Variants in RALA observed in about 807,000 individuals in gnomAD.
RALA encodes the protein ras-related protein Ral-A.
A neutral mutation model predicts 24.0 loss-of-function variants in RALA; 5 were observed. The ratio of observed to expected loss-of-function variants is 0.21; its 90% CI spans 0.11 to 0.44. The LOEUF is 0.44. Among genes scored for constraint, RALA ranks in the 20% least tolerant of loss-of-function variants. RALA has a pLI of 0.99. For synonymous variants in RALA, 77 were observed against 83.8 expected, an observed-to-expected ratio of 0.92 and a Z score of 0.44; for missense variants, 95 against 241.2, an observed-to-expected ratio of 0.39 and a Z score of 4.01.
At chr7:39,654,737 A>G (rs138531351) in intron 1 of RALA, among the ~76,000 whole-genome samples, 4 of 152,156 alleles carry the variant, frequency 2.6e-5, no homozygotes, top group African/African-American at 4.8e-5. Flanking sequence ...ATGTGAATCT[A>G]AATTTTTGTT....
In RALA at chr7:39,676,653, A is replaced by G. The variant is rs1356844165; in HGVS notation, c.-37-9978A>G. Among the ~76,000 whole-genome samples, 4 of 152,198 alleles carry G rather than the reference A, an allele frequency of 2.6e-5. No individual in the cohort carries two copies. The East Asian group carries it at 7.7e-4, about 29-fold the overall frequency. On this transcript the variant is annotated intron_variant, in intron 1 of 4. Coordinates refer to ENST00000005257, the MANE Select transcript of RALA (RefSeq NM_005402.4). The stretch of plus-strand genomic sequence containing the variant: ...TAATGAGCTTCTCTATCGAAAATCT[A>G]AAGAAGATAATAATGAATTCTGGAC...
intron 4 of RALA, among the ~76,000 whole-genome samples, chr7:39,701,208 A>G (rs908550130): frequency 1.3e-5 from 2 of 152,146 alleles, no homozygotes; most frequent in African/African-American, 2.4e-5. Context: ...TCTTTCTTCA[A>G]TATTTTACTC....
chr7:39,652,145 A>G (rs1478250135), intron 1 of RALA, among the ~76,000 whole-genome samples: 1 of 152,202 alleles, frequency 6.6e-6, no homozygotes, highest in African/African-American at 2.4e-5. Context: ...GTGTCCTCCT[A>G]TGGCAGCAGA....
intron 1 of RALA, among the ~76,000 whole-genome samples, chr7:39,646,303 C>T (rs1379590075): frequency 5.3e-5 from 8 of 151,344 alleles, no homozygotes; most frequent in Non-Finnish European, 1.2e-4. Flanking sequence ...TACAACCCCC[C>T]GCCAAAAATA....
intron 1 of RALA, among the ~76,000 whole-genome samples, chr7:39,662,290 C>T (rs1206293211): frequency 2.6e-5 from 4 of 152,158 alleles, no homozygotes; most frequent in East Asian, 3.9e-4. Context: ...CATTTTCCCC[C>T]GTTGTCTTGG....
chr7:39,702,709 G>C (rs1583762942), intron 4 of RALA, among the ~76,000 whole-genome samples: 1 of 152,296 alleles, frequency 6.6e-6, no homozygotes, highest in East Asian at 1.9e-4. Flanking sequence ...TGTCATTCAT[G>C]GCAATATGGA....
At chr7:39,668,448 T>C (rs1792321521) in intron 1 of RALA, among the ~76,000 whole-genome samples, 1 of 152,230 alleles carries the variant, frequency 6.6e-6, no homozygotes, top group African/African-American at 2.4e-5. Context: ...TTAATTGCTT[T>C]GTGTCTACAG....
intron 1 of RALA, among the ~76,000 whole-genome samples, chr7:39,661,859 C>A (rs1039594201): frequency 6.6e-6 from 1 of 152,236 alleles, no homozygotes; most frequent in Non-Finnish European, 1.5e-5. Flanking sequence ...CATTTCCCTT[C>A]TGCACTGCCT....
intron 1 of RALA, among the ~76,000 whole-genome samples, chr7:39,639,484 G>A (rs1352285810): frequency 2.0e-5 from 3 of 152,184 alleles, no homozygotes; most frequent in Non-Finnish European, 2.9e-5. Context: ...GAGCCCAAGA[G>A]TTTGAGGCTG....
chr7:39,658,984 A>T (rs1292746013), intron 1 of RALA, among the ~76,000 whole-genome samples: 1 of 152,132 alleles, frequency 6.6e-6, no homozygotes, highest in Admixed American at 6.6e-5. Flanking sequence ...TATTATTTAA[A>T]ATTTTAAGAT....
chr7:39,692,505 T>C (rs1231408809), intron 3 of RALA, among the ~76,000 whole-genome samples: 3 of 152,200 alleles, frequency 2.0e-5, no homozygotes, highest in Non-Finnish European at 4.4e-5. Flanking sequence ...CCTCTAAAAC[T>C]GTATTTAAAG....
At chr7:39,691,929 C>T (rs922372988) in intron 3 of RALA, among the ~76,000 whole-genome samples, 3 of 152,144 alleles carry the variant, frequency 2.0e-5, no homozygotes, top group African/African-American at 7.2e-5. Flanking sequence ...TCACCATAGT[C>T]ACCAAAGTCA....
intron 2 of RALA, among the ~76,000 whole-genome samples, 174 bp from the exon 3 acceptor site, chr7:39,690,208 A>G (rs183986493): frequency 6.6e-5 from 10 of 152,368 alleles, no homozygotes; most frequent in Admixed American, 1.3e-4. Context: ...GAGGAAACCA[A>G]GAAATTGTCT....
chr7:39,645,267 T>A (rs956476336), intron 1 of RALA, among the ~76,000 whole-genome samples: 1 of 152,238 alleles, frequency 6.6e-6, no homozygotes, highest in Non-Finnish European at 1.5e-5. Context: ...ACTTTTGTTA[T>A]ATTAGTCAAT....
chr7:39,643,242 A>G (rs1017480505), intron 1 of RALA, among the ~76,000 whole-genome samples: 4 of 152,242 alleles, frequency 2.6e-5, no homozygotes, highest in African/African-American at 7.2e-5. Context: ...ACTAAAGACT[A>G]TTATGTATCT....
chr7:39,655,887 A>T (rs1370203216), intron 1 of RALA, among the ~76,000 whole-genome samples: 2 of 152,180 alleles, frequency 1.3e-5, no homozygotes, highest in Non-Finnish European at 2.9e-5. Flanking sequence ...GGAGAGGAGT[A>T]AAAAAAGAAA....
At chr7:39,667,042 C>T (rs181091209) in intron 1 of RALA, among the ~76,000 whole-genome samples, 1 of 152,266 alleles carries the variant, frequency 6.6e-6, no homozygotes, top group African/African-American at 2.4e-5. Context: ...CTATTTCTGC[C>T]TCACTCCCAC....
chr7:39,644,103 A>G (rs950096535), intron 1 of RALA, among the ~76,000 whole-genome samples: 4 of 152,366 alleles, frequency 2.6e-5, no homozygotes, highest in African/African-American at 7.2e-5. Context: ...TTTACTGAAT[A>G]TAACTCAGAA....
chr7:39,705,989 C>G, intron 4 of RALA, 134 bp from the exon 5 acceptor site: 1 of 735,540 alleles, frequency 1.4e-6, no homozygotes, highest in South Asian at 2.6e-5. Context: ...TTTATGCTTT[C>G]CGCTCTGTAC....
Sources: gnomAD v4.1 joint callset for allele counts (sites outside exome capture counted in the v4.1 genomes callset) on GRCh38, gnomAD v4.1.1 for gene constraint, MANE v1.5 for transcripts, NCBI Gene and HGNC (gene_info 2026-07-23, HGNC 2026-07-21) for gene names.